SDHAF4: variants seen among roughly 807,000 people sequenced by gnomAD.
The protein encoded by SDHAF4 is succinate dehydrogenase complex assembly factor 4.
In SDHAF4, 14 loss-of-function variants were observed where a neutral mutation model predicts 14.3. The ratio of observed to expected loss-of-function variants is 0.98; its 90% CI spans 0.65 to 1.53. The LOEUF (loss-of-function observed/expected upper bound fraction) is 1.53. Ranked by LOEUF, SDHAF4 falls within the 40% of genes most tolerant of loss-of-function variation. The pLI is 0.00. For missense variants in SDHAF4, 141 were observed against 129.3 expected, an observed-to-expected ratio of 1.09 and a Z score of -0.44; for synonymous variants, 63 against 47.3, an observed-to-expected ratio of 1.33 and a Z score of -1.36.
chr6:70,580,347 G>A (rs1802307213), intron 2 of SDHAF4, among the ~76,000 whole-genome samples: 1 of 152,126 alleles, frequency 6.6e-6, no homozygotes, highest in Non-Finnish European at 1.5e-5. Context: ...GGAAGGATGT[G>A]GAGAAATTGA....
At chr6:70,575,178 T>A (rs1197637293) in intron 1 of SDHAF4, among the ~76,000 whole-genome samples, 1 of 152,102 alleles carries the variant, frequency 6.6e-6, no homozygotes, top group Non-Finnish European at 1.5e-5. Context: ...AGGAGTTCGA[T>A]ACAAGCCTGG....
chr6:70,573,727 G>C (rs1232850813), intron 1 of SDHAF4, among the ~76,000 whole-genome samples: 2 of 148,830 alleles, frequency 1.3e-5, no homozygotes, highest in East Asian at 4.0e-4. Context: ...CCTGGCTGGA[G>C]TGTAGTGGCG....
At chr6:70,592,230 G>T (rs1765263637), downstream of SDHAF4, among the ~76,000 whole-genome samples, 1 of 152,204 alleles carries the variant, frequency 6.6e-6, no homozygotes, top group Non-Finnish European at 1.5e-5. Context: ...GGAGTGAGGT[G>T]TTGGTATAAA....
At chr6:70,592,174 A>G (rs1304492842), downstream of SDHAF4, among the ~76,000 whole-genome samples, 1 of 152,248 alleles carries the variant, frequency 6.6e-6, no homozygotes, top group East Asian at 1.9e-4. Context: ...ATTACCCAGT[A>G]TCAGGTATTT....
intron 1 of SDHAF4, among the ~76,000 whole-genome samples, chr6:70,568,748 T>C (rs1179576257): frequency 2.0e-5 from 3 of 152,170 alleles, no homozygotes; most frequent in Non-Finnish European, 1.5e-5. Flanking sequence ...AACGGCATTT[T>C]CTAATTCTAT....
At chr6:70,567,253 A>T (rs1230659270) in intron 1 of SDHAF4, among the ~76,000 whole-genome samples, 1 of 152,072 alleles carries the variant, frequency 6.6e-6, no homozygotes, top group Non-Finnish European at 1.5e-5. Flanking sequence ...TCCGCTTCCT[A>T]CCGAGCACGC....
At chr6:70,586,010 A>G (rs1267358539) in intron 2 of SDHAF4, among the ~76,000 whole-genome samples, 3 of 152,110 alleles carry the variant, frequency 2.0e-5, no homozygotes, top group Non-Finnish European at 2.9e-5. Flanking sequence ...GGCAAGGAGG[A>G]TGTTTTTCCT....
chr6:70,578,515 G>A (rs141143727), intron 1 of SDHAF4, among the ~76,000 whole-genome samples: 2,554 of 152,242 alleles, frequency 0.017, 58 homozygotes, highest in African/African-American at 0.057. Context: ...CTCCCATCCT[G>A]TAGGTTGTAT....
At chr6:70,597,438 CG>C in the SDHAF4 span, among the ~76,000 whole-genome samples, 3 of 151,626 alleles carry the variant, frequency 2.0e-5, no homozygotes, top group Admixed American at 1.3e-4. Flanking sequence ...CATGAGGCAC[CG>C]CATCAGGCCA....
At chr6:70,571,908 T>G (rs1802183503) in intron 1 of SDHAF4, among the ~76,000 whole-genome samples, 1 of 152,078 alleles carries the variant, frequency 6.6e-6, no homozygotes, top group Admixed American at 6.5e-5. Context: ...TGTTTCAATA[T>G]ATAGGCATAA....
At chr6:70,587,237 C>T (rs1486556956) in intron 2 of SDHAF4, among the ~76,000 whole-genome samples, 1 of 151,748 alleles carries the variant, frequency 6.6e-6, no homozygotes, top group Non-Finnish European at 1.5e-5. Flanking sequence ...CGCCTGTAAT[C>T]CCAGCACTTT....
intron 2 of SDHAF4, among the ~76,000 whole-genome samples, chr6:70,582,283 T>C (rs938424176): frequency 1.4e-4 from 21 of 151,538 alleles, no homozygotes; most frequent in Admixed American, 5.3e-4. Flanking sequence ...CAGGCTGGTC[T>C]TGAACTCCTG....
At chr6:70,571,053 T>C (rs1219218861) in intron 1 of SDHAF4, among the ~76,000 whole-genome samples, 1 of 152,214 alleles carries the variant, frequency 6.6e-6, no homozygotes, top group Non-Finnish European at 1.5e-5. Flanking sequence ...ATACCCTTTT[T>C]GGGTTAAGGA....
intron 2 of SDHAF4, among the ~76,000 whole-genome samples, chr6:70,583,251 TA>T (rs1765155965): frequency 6.6e-6 from 1 of 152,162 alleles, no homozygotes; most frequent in Admixed American, 6.5e-5. Flanking sequence ...TAGCTGGGAT[TA>T]CAGGCGTCTG....
intron 1 of SDHAF4, among the ~76,000 whole-genome samples, chr6:70,570,639 T>C (rs962100977): frequency 2.0e-5 from 3 of 151,942 alleles, no homozygotes; most frequent in African/African-American, 7.3e-5. Context: ...TTTTCTTTCT[T>C]TGCTCAGATT....
chr6:70,589,921 CAG>C (rs1402868634), downstream of SDHAF4, among the ~76,000 whole-genome samples: 1 of 152,116 alleles, frequency 6.6e-6, no homozygotes, highest in African/African-American at 2.4e-5. Flanking sequence ...AAAGACAAGT[CAG>C]AAAATAGGGA....
At chr6:70,592,949 C>T (rs1765271077), downstream of SDHAF4, among the ~76,000 whole-genome samples, 1 of 152,170 alleles carries the variant, frequency 6.6e-6, no homozygotes, top group African/African-American at 2.4e-5. Context: ...TGAAGCTGCC[C>T]CTCCCATCAC....
Position 70,572,191 on chromosome 6 carries a change from C to T in SDHAF4, c.64+5187C>T, listed in dbSNP as rs573376434. Among the ~76,000 whole-genome samples, 19 of 149,610 alleles carry T rather than the reference C, an allele frequency of 1.3e-4. 1 individual carries two copies. The highest frequency in any genetic ancestry group is 8.7e-4 in the Admixed American group (13 of 14,872). On this transcript the variant is annotated intron_variant, in intron 1 of 2. Coordinates refer to ENST00000370474, the MANE Select transcript of SDHAF4 (RefSeq NM_145267.3). The stretch of plus-strand genomic sequence containing the variant: ...TCTAGTGATTCTCCTGCCTCAGCCT[C>T]ATAGCTGGAATTACAGGCGTGCACC...
At chr6:70,585,725 G>T (rs1765187087) in intron 2 of SDHAF4, among the ~76,000 whole-genome samples, 1 of 152,168 alleles carries the variant, frequency 6.6e-6, no homozygotes, top group African/African-American at 2.4e-5. Context: ...TTTGAAAACA[G>T]AATGCTGATG....
Sources: gnomAD v4.1 joint callset for allele counts (sites outside exome capture counted in the v4.1 genomes callset) on GRCh38, gnomAD v4.1.1 for gene constraint, MANE v1.5 for transcripts, NCBI Gene and HGNC (gene_info 2026-07-23, HGNC 2026-07-21) for gene names.